BRWD1: variants seen among roughly 807,000 people sequenced by gnomAD.
The protein encoded by BRWD1 is bromodomain and WD repeat-containing protein 1.
In BRWD1, 82 loss-of-function variants were observed where a neutral mutation model predicts 251.2. The observed-to-expected ratio is 0.33, with a 90% CI of 0.27 to 0.39. The LOEUF (loss-of-function observed/expected upper bound fraction) is 0.39. BRWD1 is among the 10% of genes least tolerant of loss of function. BRWD1 has a pLI of 1.00. For synonymous variants in BRWD1, 918 were observed against 902.8 expected, an observed-to-expected ratio of 1.02 and a Z score of -0.30; for missense variants, 2,233 against 2,711.6, an observed-to-expected ratio of 0.82 and a Z score of 3.92.
At chr21:39,242,724 A>C (rs1470532353) in intron 21 of BRWD1, among the ~76,000 whole-genome samples, 1 of 152,128 alleles carries the variant, frequency 6.6e-6, no homozygotes, top group Non-Finnish European at 1.5e-5. Flanking sequence ...AACTGAAGCC[A>C]CTGTTCATTT....
chr21:39,313,703 CG>C (rs1177689026), upstream of BRWD1: 3 of 379,018 alleles, frequency 7.9e-6, no homozygotes, highest in South Asian at 5.0e-5. Context: ...CCGCGGGGGG[CG>C]GGGGTTTGCG....
intron 21 of BRWD1, among the ~76,000 whole-genome samples, chr21:39,243,800 T>C (rs2034084859): frequency 6.6e-6 from 1 of 152,132 alleles, no homozygotes; most frequent in Admixed American, 6.5e-5. Flanking sequence ...CAAGGAAATA[T>C]GTAGATATCA....
intron 7 of BRWD1, among the ~76,000 whole-genome samples, chr21:39,294,592 T>C (rs2035902567): frequency 6.6e-6 from 1 of 151,570 alleles, no homozygotes; most frequent in African/African-American, 2.4e-5. Flanking sequence ...GAGACAGAGC[T>C]TGCAGTGAGC....
intron 4 of BRWD1, 132 bp from the exon 5 acceptor site, chr21:39,298,714 C>T (rs555506231): frequency 2.1e-4 from 142 of 663,398 alleles, no homozygotes; most frequent in East Asian, 2.0e-3. Flanking sequence ...AAATTAAAGA[C>T]GACTTAAATA....
chr21:39,233,191 T>C (rs565059751), intron 23 of BRWD1, among the ~76,000 whole-genome samples: 159 of 152,218 alleles, frequency 1.0e-3, no homozygotes, highest in African/African-American at 3.5e-3. Flanking sequence ...AAAAGCCATA[T>C]GAATAAGCTC....
chr21:39,252,243 CCGTCT>C (rs1413095343), intron 19 of BRWD1, among the ~76,000 whole-genome samples: 41 of 126,708 alleles, frequency 3.2e-4, no homozygotes, highest in African/African-American at 1.1e-3. Flanking sequence ...AAGCAGAACT[CCGTCT>C]CAAAAAAAAA....
chr21:39,203,368 G>A (rs2032205443), intron 37 of BRWD1, among the ~76,000 whole-genome samples: 1 of 150,542 alleles, frequency 6.6e-6, no homozygotes, highest in Non-Finnish European at 1.5e-5. Flanking sequence ...TAGCCCAGGA[G>A]CTTGACATTA....
At chr21:39,250,931 TGGATAACTAAA>T (rs2034373664) in intron 19 of BRWD1, 42 bp from the exon 20 acceptor site, 1 of 1,186,778 alleles carries the variant, frequency 8.4e-7, no homozygotes, top group Non-Finnish European at 1.2e-6. Context: ...ACTGAACTGA[TGGATAACTAAA>T]GGATATAAAG....
chr21:39,204,288 A>AT (rs2032284502), intron 37 of BRWD1, among the ~76,000 whole-genome samples: 1 of 151,506 alleles, frequency 6.6e-6, no homozygotes, highest in African/African-American at 2.4e-5. Flanking sequence ...TTTGCAATAG[A>AT]TTGAGATGCA....
chr21:39,273,718 C>T (rs28693867), intron 13 of BRWD1, among the ~76,000 whole-genome samples: 15,440 of 152,164 alleles, frequency 0.1, 923 homozygotes, highest in East Asian at 0.14. Context: ...ATACCACTGG[C>T]GCTCCAGCCT....
At chr21:39,208,424 G>A (rs1436197296) in intron 36 of BRWD1, among the ~76,000 whole-genome samples, 1 of 152,204 alleles carries the variant, frequency 6.6e-6, no homozygotes, top group Non-Finnish European at 1.5e-5. Flanking sequence ...AGTAATGCAG[G>A]AGGAGTCTAA....
chr21:39,233,674 T>C (rs1465245596), intron 23 of BRWD1, among the ~76,000 whole-genome samples: 1 of 152,152 alleles, frequency 6.6e-6, no homozygotes, highest in African/African-American at 2.4e-5. Flanking sequence ...TTTGGAAAGG[T>C]TTAACTGTCA....
chr21:39,307,848 T>A (rs887529214), intron 4 of BRWD1, among the ~76,000 whole-genome samples: 1 of 152,338 alleles, frequency 6.6e-6, no homozygotes, highest in South Asian at 2.1e-4. Context: ...GGGTAGCTAA[T>A]TTCTTTCCTC....
intron 29 of BRWD1, among the ~76,000 whole-genome samples, chr21:39,222,126 T>C (rs2033202399): frequency 1.3e-5 from 2 of 151,842 alleles, no homozygotes; most frequent in Admixed American, 1.3e-4. Context: ...GTATACCTGC[T>C]CCAAAAAAAC....
At position 39,278,808 on chromosome 21, in the gene BRWD1, C is replaced by T; in HGVS notation, c.938G>A (p.Arg313His). Reference sequence around the variant, plus strand: ...AGGCTTTTCAGTGAACTTCAGGGGACGTGGGCTTTAAAAGAAGAAGATGCT... The same window carrying T: ...AGGCTTTTCAGTGAACTTCAGGGGATGTGGGCTTTAAAAGAAGAAGATGCT... ...WDLESLKFSP[R>H]PLKFTEKPRP... The change falls in exon 10 of 41, where the codon CGT becomes CAT. Residue 313 changes from arginine to histidine, a missense_variant. Transcript: ENST00000342449. 6.3e-7 allele frequency: 1 copy of T among 1,581,848 alleles called. No individual in the cohort carries two copies. Among genetic ancestry groups the T allele is most frequent in the Non-Finnish European group, 8.6e-7 (1 of 1,167,156 alleles).
At chr21:39,281,932 A>G (rs71316129) in intron 8 of BRWD1, among the ~76,000 whole-genome samples, 264 of 151,506 alleles carry the variant, frequency 1.7e-3, no homozygotes, top group Non-Finnish European at 2.5e-3. Context: ...GTATACATAC[A>G]TATACATGTG....
chr21:39,242,959 A>G (rs1345650726), intron 21 of BRWD1, among the ~76,000 whole-genome samples: 1 of 152,196 alleles, frequency 6.6e-6, no homozygotes, highest in East Asian at 1.9e-4. Context: ...TAGCCATCCA[A>G]GACCTCTGAT....
In BRWD1 at chr21:39,313,232, C is replaced by T. The variant is rs763460538; in HGVS notation, c.108+9G>A. 6.5e-7 allele frequency: 1 copy of T among 1,534,102 alleles called. No homozygotes were observed. Among genetic ancestry groups the T allele is most frequent in the South Asian group, 1.2e-5 (1 of 84,430 alleles). ...CCAAGTCCGCAGCCGCCCGCGGGCC[C>T]GCACTCACCTGGGCCGCTCTCCGAC... is the stretch of plus-strand genomic sequence containing the variant. On this transcript the variant is annotated intron_variant, in intron 2 of 40. Coordinates refer to ENST00000342449, the MANE Select transcript of BRWD1 (RefSeq NM_033656.4).
intron 4 of BRWD1, among the ~76,000 whole-genome samples, chr21:39,299,228 T>C (rs1423697522): frequency 7.4e-6 from 1 of 135,272 alleles, no homozygotes; most frequent in Admixed American, 8.2e-5. Flanking sequence ...ATATACATAT[T>C]ACGCTAACTC....
Sources: gnomAD v4.1 joint callset for allele counts (sites outside exome capture counted in the v4.1 genomes callset) on GRCh38, gnomAD v4.1.1 for gene constraint, MANE v1.5 for transcripts, NCBI Gene and HGNC (gene_info 2026-07-23, HGNC 2026-07-21) for gene names.